GPHN: variants seen among roughly 807,000 people sequenced by gnomAD.
GPHN encodes the protein gephyrin.
GPHN carries 17 observed loss-of-function variants against 95.5 expected under a neutral mutation model. The ratio of observed to expected loss-of-function variants is 0.18; its 90% confidence interval spans 0.12 to 0.27. The LOEUF is 0.27. GPHN is among the 10% of genes least tolerant of loss of function. GPHN has a pLI of 1.00. For missense variants in GPHN, 660 were observed against 978.1 expected, an observed-to-expected ratio of 0.67 and a Z score of 4.34; for synonymous variants, 320 against 322.5, an observed-to-expected ratio of 0.99 and a Z score of 0.08.
chr14:66,967,987 T>C (rs1354386442), intron 9 of GPHN, among the ~76,000 whole-genome samples: 1 of 151,996 alleles, frequency 6.6e-6, no homozygotes, highest in African/African-American at 2.4e-5. Flanking sequence ...ACTTCATTAG[T>C]ATGTGAATAG....
chr14:66,778,785 A>AGTG (rs575221015), intron 3 of GPHN, among the ~76,000 whole-genome samples: 1,663 of 120,644 alleles, frequency 0.014, 17 homozygotes, highest in Middle Eastern at 0.03. Flanking sequence ...CCCAGGCTGC[A>AGTG]GTGCAGTGGC....
chr14:67,053,236 AAG>A (rs1364969151), intron 10 of GPHN, among the ~76,000 whole-genome samples: 10 of 151,316 alleles, frequency 6.6e-5, no homozygotes, highest in Non-Finnish European at 1.5e-4. Flanking sequence ...CTAATAAGGA[AAG>A]AGAGAAGAAT....
chr14:66,668,354 T>C (rs560116862), intron 1 of GPHN, among the ~76,000 whole-genome samples: 68 of 152,302 alleles, frequency 4.5e-4, no homozygotes, highest in South Asian at 2.1e-3. Flanking sequence ...GCAGTACTTA[T>C]GACAATAGCA....
chr14:66,892,959 T>C (rs2064603727), intron 5 of GPHN, among the ~76,000 whole-genome samples: 1 of 152,176 alleles, frequency 6.6e-6, no homozygotes, highest in Non-Finnish European at 1.5e-5. Flanking sequence ...ATACATAAAA[T>C]GTACATTTTC....
intron 5 of GPHN, among the ~76,000 whole-genome samples, chr14:66,909,241 C>CA (rs1258738251): frequency 1.8e-4 from 27 of 152,004 alleles, no homozygotes; most frequent in Admixed American, 1.8e-3. Context: ...ATATTCTATA[C>CA]AACTGTCAAG....
intron 10 of GPHN, among the ~76,000 whole-genome samples, chr14:67,048,971 CTT>C (rs2075166054): frequency 6.6e-6 from 1 of 152,142 alleles, no homozygotes; most frequent in East Asian, 1.9e-4. Context: ...AAAAGTAAAA[CTT>C]ATTTTTCATT....
At chr14:67,086,328 G>A (rs975069694) in intron 11 of GPHN, among the ~76,000 whole-genome samples, 11 of 152,208 alleles carry the variant, frequency 7.2e-5, no homozygotes, top group African/African-American at 2.4e-4. Context: ...AACATGAGTG[G>A]TAGTAGTTAT....
chr14:67,516,301 A>C, the GPHN span, among the ~76,000 whole-genome samples: 2 of 152,162 alleles, frequency 1.3e-5, no homozygotes, highest in African/African-American at 2.4e-5. Context: ...TCACTAACCC[A>C]TCCGGAGAGG....
At chr14:66,512,565 A>G (rs2058080475) in intron 1 of GPHN, among the ~76,000 whole-genome samples, 1 of 151,800 alleles carries the variant, frequency 6.6e-6, no homozygotes, top group African/African-American at 2.4e-5. Flanking sequence ...TGCTGTAGTA[A>G]TATACATTTT....
chr14:67,545,874 A>G, the GPHN span, among the ~76,000 whole-genome samples: 3 of 152,316 alleles, frequency 2.0e-5, no homozygotes, highest in East Asian at 5.8e-4. Context: ...TTCTCATCCC[A>G]GATCCGTGCT....
chr14:66,638,434 C>G (rs1296655583), intron 1 of GPHN, among the ~76,000 whole-genome samples: 2 of 151,578 alleles, frequency 1.3e-5, no homozygotes, highest in Non-Finnish European at 2.9e-5. Flanking sequence ...AACACTATCT[C>G]AAAACAACAA....
chr14:67,397,991 G>C, the GPHN span: 3 of 499,874 alleles, frequency 6.0e-6, no homozygotes, highest in East Asian at 9.6e-5. Flanking sequence ...ACGTAGCAAA[G>C]ACCTTTGGCA....
chr14:66,605,401 G>A (rs111734832), intron 1 of GPHN, among the ~76,000 whole-genome samples: 8 of 152,062 alleles, frequency 5.3e-5, no homozygotes, highest in South Asian at 2.1e-4. Flanking sequence ...TCTGACTGGT[G>A]TAAGATGGTA....
chr14:66,965,610 A>G (rs1368085892), intron 9 of GPHN, among the ~76,000 whole-genome samples: 2 of 152,176 alleles, frequency 1.3e-5, no homozygotes, highest in East Asian at 3.8e-4. Flanking sequence ...ATTTTTTAGT[A>G]TACTTAACAT....
At chr14:67,368,410 A>T in the GPHN span, among the ~76,000 whole-genome samples, 1 of 152,148 alleles carries the variant, frequency 6.6e-6, no homozygotes, top group Admixed American at 6.6e-5. Flanking sequence ...TCCCCACCTG[A>T]CGGAGGGGCA....
chr14:67,150,599 A>G (rs1007147475), intron 18 of GPHN, among the ~76,000 whole-genome samples: 1 of 152,124 alleles, frequency 6.6e-6, no homozygotes, highest in Non-Finnish European at 1.5e-5. Flanking sequence ...GAAGTTTAGG[A>G]AAAACCCAAG....
chr14:67,531,218 C>T, the GPHN span, among the ~76,000 whole-genome samples: 3 of 152,130 alleles, frequency 2.0e-5, no homozygotes, highest in African/African-American at 7.2e-5. Context: ...GAGTTCTGGG[C>T]TGCAATGAGC....
the GPHN span, among the ~76,000 whole-genome samples, chr14:67,377,723 A>G: frequency 6.6e-6 from 1 of 152,046 alleles, no homozygotes; most frequent in Non-Finnish European, 1.5e-5. Flanking sequence ...GCATAAAAAT[A>G]TCTCTAGTTT....
the GPHN span, among the ~76,000 whole-genome samples, chr14:67,261,293 A>C: frequency 1.3e-5 from 2 of 152,168 alleles, no homozygotes; most frequent in Non-Finnish European, 2.9e-5. Flanking sequence ...AAACTCATAG[A>C]AAAGTTAAGA....
Sources: gnomAD v4.1 joint callset for allele counts (sites outside exome capture counted in the v4.1 genomes callset) on GRCh38, gnomAD v4.1.1 for gene constraint, MANE v1.5 for transcripts, NCBI Gene and HGNC (gene_info 2026-07-23, HGNC 2026-07-21) for gene names.